Variants in KCNH2 observed in about 807,000 individuals in gnomAD.
KCNH2 encodes the protein potassium voltage-gated channel subfamily H member 2, also known as voltage-gated inwardly rectifying potassium channel KCNH2.
A neutral mutation model predicts 95.9 loss-of-function variants in KCNH2; 35 were observed. That is an observed-to-expected ratio of 0.37 (90% CI 0.28 to 0.48). KCNH2 has a LOEUF of 0.48. Ranked by LOEUF, KCNH2 falls within the 20% of genes least tolerant of loss-of-function variation. The pLI is 0.99. For missense variants in KCNH2, 1,274 were observed against 1,702.9 expected (o/e 0.75, Z 4.43); for synonymous variants, 786 against 754.7 (o/e 1.04, Z -0.68).
chr7:150,959,592 G>A lies in KCNH2; in HGVS notation c.452C>T (p.Pro151Leu). The A allele has an allele frequency of 3.1e-6, 5 of 1,614,066 alleles. No homozygotes were observed. The highest frequency in any genetic ancestry group is 4.2e-6 in the Non-Finnish European group (5 of 1,179,984). ...CTTACCTGGGGCCAGCCAGCTGGTG[G>A]GGGGGCCCCGGTGGTTGGTGTCATG... ...PAHDTNHRGP[P>L]TSWLAPGRAK... Residue 151 changes from proline (P) to leucine (L), a missense_variant, in exon 3 of 15, where the codon CCC becomes CTC. Around this residue, in one of 7 missense-constraint regions of KCNH2, gnomAD observed 392 missense variants for 429.9 expected, o/e 0.91. Coordinates refer to ENST00000262186, the MANE Select transcript of KCNH2 (RefSeq NM_000238.4).
intron 9 of KCNH2, chr7:150,949,744 G>A (rs1482381517): frequency 4.2e-6 from 5 of 1,187,630 alleles, no homozygotes; most frequent in South Asian, 1.6e-5. Flanking sequence ...GAAAGGAAGT[G>A]GGGGGAGGGG....
chr7:150,957,260 T>G, intron 5 of KCNH2, 31 bp downstream of exon 5: 38 of 1,518,678 alleles, frequency 2.5e-5, no homozygotes, highest in Non-Finnish European at 3.0e-5. Context: ...TCCTCCAAGG[T>G]GAGAGGAGAG....
intron 2 of KCNH2, among the ~76,000 whole-genome samples, chr7:150,964,871 G>A (rs1801659971): frequency 6.6e-6 from 1 of 152,202 alleles, no homozygotes; most frequent in Non-Finnish European, 1.5e-5. Flanking sequence ...GGCGGCGACA[G>A]GAAGATGCAG....
intron 1 of KCNH2, among the ~76,000 whole-genome samples, chr7:150,975,211 C>G (rs996461683): frequency 2.0e-5 from 3 of 152,002 alleles, no homozygotes; most frequent in African/African-American, 7.2e-5. Flanking sequence ...GCCAGCAGCC[C>G]GCCGCCTCCT....
intron 1 of KCNH2, among the ~76,000 whole-genome samples, chr7:150,976,581 A>AC (rs1163566748): frequency 6.6e-6 from 1 of 151,828 alleles, no homozygotes; most frequent in Non-Finnish European, 1.5e-5. Flanking sequence ...GCCCCACCCC[A>AC]CCACACACCC....
At position 150,948,961 on chromosome 7, in the gene KCNH2, G is replaced by C. The variant is rs746945231; in HGVS notation, c.2487C>G (p.Asp829Glu). ...GGTCGTCCCGATGGATCTTGTGTAG[G>C]TCACAGTAGGTGAGGGCCCGCACAT... The part of the protein sequence containing the change: ...NGDVRALTYC[D>E]LHKIHRDDLL... The change falls in exon 10 of 15, where the codon GAC becomes GAG. Residue 829 changes from aspartate (D) to glutamate (E), a missense_variant. Transcript: ENST00000262186. 6.2e-7 allele frequency: 1 copy of C among 1,613,684 alleles called. No homozygotes were observed. The highest frequency in any genetic ancestry group is 8.5e-7 in the Non-Finnish European group (1 of 1,179,892).
At chr7:150,963,149 T>A (rs2117024857) in intron 2 of KCNH2, among the ~76,000 whole-genome samples, 1 of 152,230 alleles carries the variant, frequency 6.6e-6, no homozygotes. Flanking sequence ...TGAGAGCCAC[T>A]CCGTGGCAGG....
intron 2 of KCNH2, among the ~76,000 whole-genome samples, chr7:150,968,365 G>A (rs924518359): frequency 5.3e-5 from 8 of 152,192 alleles, no homozygotes; most frequent in African/African-American, 9.7e-5. Context: ...GTCCCTCCCC[G>A]GGAGAGTGGG....
intron 1 of KCNH2, among the ~76,000 whole-genome samples, chr7:150,976,156 C>T (rs999794235): frequency 1.5e-4 from 23 of 152,220 alleles, no homozygotes; most frequent in Non-Finnish European, 2.8e-4. Flanking sequence ...GGAATTCTCC[C>T]CCTCCCTTCC....
At chr7:150,947,545 G>A (rs1404360879) in intron 12 of KCNH2, 31 bp from the exon 13 acceptor site, 1 of 1,601,650 alleles carries the variant, frequency 6.2e-7, no homozygotes, top group Non-Finnish European at 8.5e-7. Flanking sequence ...TGGGTGAGCG[G>A]GGTAGACGCA....
chr7:150,949,408 ATTTT>A (rs1035990140), intron 9 of KCNH2: 5,370 of 372,848 alleles, frequency 0.014, no homozygotes, highest in South Asian at 0.024. Context: ...CAAAACCAGC[ATTTT>A]TTTTTTTTTT....
chr7:150,948,645 C>T lies in KCNH2; in HGVS notation c.2593-102G>A, dbSNP rs114303849. ...AACACAGAAAAAGTAGGGCTGGGCG[C>T]CCCAGCTCTGGGAAAACCCTTCCCT... is the stretch of plus-strand genomic sequence containing the variant. On this transcript the variant is annotated intron_variant, in intron 10 of 14. Coordinates refer to ENST00000262186, the MANE Select transcript of KCNH2 (RefSeq NM_000238.4). The T allele has an allele frequency of 3.2e-4, 398 of 1,228,736 alleles. 2 individuals carry two copies. In the African/African-American group the frequency reaches 5.3e-3, roughly 16 times the overall value. 76.1% of individuals were successfully genotyped at this position (1,228,736 alleles called of 1,614,324 possible).
intron 3 of KCNH2, 61 bp from the exon 4 acceptor site, chr7:150,958,563 C>A (rs575268046): frequency 2.2e-6 from 3 of 1,382,106 alleles, no homozygotes; most frequent in Non-Finnish European, 2.8e-6. Context: ...GCGGGCAAGG[C>A]CTGGGAAATG....
rs749873669 is a variant in KCNH2 at position 150,947,665 on chromosome 7, C to T, written c.2906G>A (p.Gly969Asp). 1.9e-6 allele frequency: 3 copies of T among 1,608,612 alleles called. No homozygotes were observed. Among genetic ancestry groups the T allele is most frequent in the African/African-American group, 2.7e-5 (2 of 74,866 alleles). ...GCAGTCCTCCATCAGGGGCTCCCCA[C>T]CCGGCGGCTCTCCGGGGGGCCTGGG... ...SSPRPPGEPP[G>D]GEPLMEDCEK... The change falls in exon 12 of 15, where the codon GGT becomes GAT. Residue 969 changes from glycine to aspartate, a missense_variant. Coordinates refer to ENST00000262186, the MANE Select transcript of KCNH2 (RefSeq NM_000238.4).
intron 5 of KCNH2, chr7:150,955,588 G>C (rs1240176687): frequency 6.9e-7 from 1 of 1,457,444 alleles, no homozygotes; most frequent in Non-Finnish European, 9.1e-7. Flanking sequence ...AGCAGTCCCA[G>C]CCCAGGCTGC....
In KCNH2 at chr7:150,946,309, CA is replaced by C. The variant is rs1800886113; in HGVS notation, c.3330+567del. ...TCTAGCAGAGGGGGCAAAGCAGGCCCAGGAAGTCCTCCCCTGGAGGCTTGGC... is the reference window on the plus strand; with the variant it reads ...TCTAGCAGAGGGGGCAAAGCAGGCCCGGAAGTCCTCCCCTGGAGGCTTGGC... On this transcript the variant is annotated intron_variant, in intron 14 of 14. Transcript: ENST00000262186. The surrounding 1 kb of genome is among the most constrained non-coding windows in gnomAD (Gnocchi z 6.5). 6.6e-6 allele frequency among the ~76,000 whole-genome samples: 1 copy of C among 152,158 alleles called. No individual in the cohort carries two copies. The highest frequency in any genetic ancestry group is 6.5e-5 in the Admixed American group (1 of 15,280).
intron 2 of KCNH2, 65 bp from the exon 3 acceptor site, chr7:150,959,801 G>A: frequency 6.3e-7 from 1 of 1,594,694 alleles, no homozygotes; most frequent in Non-Finnish European, 8.6e-7. Context: ...AAGCCACGCA[G>A]GATGGACCCT....
chr7:150,951,043 T>C lies in KCNH2; in HGVS notation c.2023A>G (p.Thr675Ala). 1.9e-6 allele frequency: 3 copies of C among 1,614,108 alleles called. No homozygotes were observed. The highest frequency in any genetic ancestry group is 2.5e-6 in the Non-Finnish European group (3 of 1,180,012). ...AACTCCCGCACCCGCAGCATCTGTGTGTGGTAGCGGGCTGTGCCCGAGTAC... is the reference window on the plus strand; with the variant it reads ...AACTCCCGCACCCGCAGCATCTGTGCGTGGTAGCGGGCTGTGCCCGAGTAC... ...RLYSGTARYHTQMLRVREFIR... is the reference protein window; with the variant it reads ...RLYSGTARYHAQMLRVREFIR... The change falls in exon 8 of 15, where the codon ACA (threonine) becomes GCA (alanine). Residue 675 changes from threonine (T) to alanine (A), a missense_variant. By Grantham distance (58) the Thr-to-Ala change is moderately conservative. This residue lies in a region of KCNH2 where 159 missense variants were observed against 282.5 expected (regional missense o/e 0.56). Transcript: ENST00000262186.
chr7:150,969,510 C>T (rs1217347734), intron 2 of KCNH2, among the ~76,000 whole-genome samples: 9 of 152,170 alleles, frequency 5.9e-5, no homozygotes, highest in East Asian at 3.9e-4. Flanking sequence ...ACAATGTCCA[C>T]GCAAAGCAAG....
Sources: gnomAD v4.1 joint callset for allele counts (sites outside exome capture counted in the v4.1 genomes callset) on GRCh38, gnomAD v4.1.1 for gene constraint, gnomAD v4.1.1 regional missense constraint, Gnocchi (gnomAD v3.1) non-coding constraint, MANE v1.5 for transcripts, NCBI Gene and HGNC (gene_info 2026-07-23, HGNC 2026-07-21) for gene names.